The following GNAL variants were observed in gnomAD, a reference collection of about 807,000 sequenced individuals.
GNAL encodes the protein G protein subunit alpha L.
A neutral mutation model predicts 55.1 loss-of-function variants in GNAL; 18 were observed. The observed-to-expected ratio is 0.33, with a 90% CI of 0.23 to 0.48. GNAL has a LOEUF of 0.48. Ranked by LOEUF, GNAL falls within the 20% of genes least tolerant of loss-of-function variation. The pLI is 0.99. For missense variants in GNAL, 412 were observed against 614.1 expected, an observed-to-expected ratio of 0.67 and a Z score of 3.48; for synonymous variants, 253 against 237.0, an observed-to-expected ratio of 1.07 and a Z score of -0.62.
intron 4 of GNAL, among the ~76,000 whole-genome samples, chr18:11,823,021 G>A (rs1034798474): frequency 2.6e-5 from 4 of 151,968 alleles, no homozygotes; most frequent in African/African-American, 4.8e-5. Context: ...TATATCATAC[G>A]TCTGTCGTGT....
intron 4 of GNAL, among the ~76,000 whole-genome samples, chr18:11,769,003 AATAT>A (rs531828796): frequency 9.9e-6 from 1 of 101,454 alleles, no homozygotes; most frequent in East Asian, 2.1e-4. Flanking sequence ...TATAATATAG[AATAT>A]ATATATTCTA....
At chr18:11,773,186 C>G (rs1163464047) in intron 4 of GNAL, among the ~76,000 whole-genome samples, 1 of 152,240 alleles carries the variant, frequency 6.6e-6, no homozygotes, top group Non-Finnish European at 1.5e-5. Context: ...TGTCCCCTTA[C>G]CAGGGCTTGC....
intron 4 of GNAL, among the ~76,000 whole-genome samples, chr18:11,797,014 G>A (rs1173068928): frequency 1.3e-5 from 2 of 152,276 alleles, no homozygotes; most frequent in East Asian, 3.9e-4. Context: ...GAGTGCAGTG[G>A]TGTGATCTTG....
intron 4 of GNAL, among the ~76,000 whole-genome samples, chr18:11,768,074 G>C (rs1458810970): frequency 6.6e-6 from 1 of 151,708 alleles, no homozygotes; most frequent in Non-Finnish European, 1.5e-5. Context: ...CCTGACCTTT[G>C]ATTCTTAAAG....
intron 11 of GNAL, among the ~76,000 whole-genome samples, chr18:11,880,539 C>T (rs945790278): frequency 3.3e-5 from 5 of 152,218 alleles, no homozygotes; most frequent in African/African-American, 9.6e-5. Flanking sequence ...TGCACCACTG[C>T]ACTCCAGCCT....
chr18:11,873,356 T>C lies in GNAL; in HGVS notation c.1162+958T>C, dbSNP rs955714042. Reference sequence around the variant, plus strand: ...GAGAGGCATTATATAAGTATATTCATAGTAAAATCCTGACCCTTGTGGGGC... The same window carrying C: ...GAGAGGCATTATATAAGTATATTCACAGTAAAATCCTGACCCTTGTGGGGC... On this transcript the variant is annotated intron_variant, in intron 10 of 11. Transcript: ENST00000334049. Among the ~76,000 whole-genome samples, 6 of 152,362 alleles carry C rather than the reference T, an allele frequency of 3.9e-5. No homozygotes were observed. The East Asian group carries it at 5.8e-4, about 15-fold the overall frequency.
At chr18:11,846,824 G>A (rs1335901036) in intron 5 of GNAL, among the ~76,000 whole-genome samples, 1 of 151,772 alleles carries the variant, frequency 6.6e-6, no homozygotes, top group African/African-American at 2.4e-5. Flanking sequence ...CTCCTGGGCC[G>A]CCTCATCCTC....
intron 1 of GNAL, among the ~76,000 whole-genome samples, chr18:11,748,050 G>A (rs1439531935): frequency 1.3e-5 from 2 of 152,210 alleles, no homozygotes; most frequent in Admixed American, 1.3e-4. Context: ...TGGTACACCT[G>A]ATGCTGATCC....
rs2032945351 is a variant in GNAL, at chr18:11,753,846, T to C, written c.525T>C (p.Ser175=). ...TTTAGACAATTGTTTCAGCAATGAG[T>C]ACTATAATACCTCCAGTTCCGCTGG... ...DAIVTIVSAM[S]TIIPPVPLAN... Residue 175 remains serine, a synonymous_variant, in exon 4 of 12, where the codon AGT becomes AGC. Coordinates refer to ENST00000334049, the MANE Select transcript of GNAL (RefSeq NM_182978.4). 1.2e-6 allele frequency: 2 copies of C among 1,608,652 alleles called. No homozygotes were observed. The highest frequency in any genetic ancestry group is 1.7e-6 in the Non-Finnish European group (2 of 1,175,090).
At chr18:11,796,957 A>G (rs952031035) in intron 4 of GNAL, among the ~76,000 whole-genome samples, 9 of 152,062 alleles carry the variant, frequency 5.9e-5, no homozygotes, top group African/African-American at 1.9e-4. Flanking sequence ...ATAAGTCCCT[A>G]TCAGAACTTA....
chr18:11,721,522 G>A (rs1337048584), intron 1 of GNAL, among the ~76,000 whole-genome samples: 9 of 151,998 alleles, frequency 5.9e-5, no homozygotes. Context: ...TTGGGAGGTC[G>A]AGGTGGGCAG....
In GNAL at chr18:11,884,624, T is replaced by C; in HGVS notation, c.*3489T>C. ...AGGGTGTAGTCTGTGGGCGTGATGC[T>C]ACCCTGGAAAGGAGAAGGGAAAGTT... On this transcript the variant is annotated 3_prime_UTR_variant, in exon 12 of 12. Transcript: ENST00000334049. 6.2e-7 allele frequency: 1 copy of C among 1,613,126 alleles called. No homozygotes were observed.
chr18:11,876,504 T>G, intron 10 of GNAL, 117 bp from the exon 11 acceptor site: 1 of 722,704 alleles, frequency 1.4e-6, no homozygotes, highest in Non-Finnish European at 2.5e-6. Flanking sequence ...TTGCTGTACA[T>G]GTATTTTAAT....
At chr18:11,786,615 ATTT>A (rs61303052) in intron 4 of GNAL, among the ~76,000 whole-genome samples, 35 of 132,960 alleles carry the variant, frequency 2.6e-4, no homozygotes, top group Non-Finnish European at 3.7e-4. Flanking sequence ...CACCTGGCTA[ATTT>A]TTTTTTTTTT....
intron 11 of GNAL, among the ~76,000 whole-genome samples, chr18:11,879,848 C>G (rs938834844): frequency 6.6e-6 from 1 of 152,200 alleles, no homozygotes; most frequent in Non-Finnish European, 1.5e-5. Context: ...AGCAAACGTT[C>G]CCCCGATAAC....
rs147535854 is a variant in GNAL at position 11,808,737 on chromosome 18, G to A, written c.625-16181G>A. On this transcript the variant is annotated intron_variant, in intron 4 of 11. Coordinates refer to ENST00000334049, the MANE Select transcript of GNAL (RefSeq NM_182978.4). Reference sequence around the variant, plus strand: ...AGCATTACTCAATAATAGCCAAAAAGTAGAAACAGCCTAAATGTTCATCAA... The same window carrying A: ...AGCATTACTCAATAATAGCCAAAAAATAGAAACAGCCTAAATGTTCATCAA... Among the ~76,000 whole-genome samples, 691 of 152,318 alleles carry A rather than the reference G, an allele frequency of 4.5e-3. 7 individuals carry two copies. The highest frequency in any genetic ancestry group is 0.016 in the African/African-American group (645 of 41,570).
At chr18:11,713,503 T>A (rs1367900393) in intron 1 of GNAL, among the ~76,000 whole-genome samples, 1 of 152,202 alleles carries the variant, frequency 6.6e-6, no homozygotes, top group Non-Finnish European at 1.5e-5. Context: ...AGGTTATTGT[T>A]TGGCTTCCTG....
intron 1 of GNAL, among the ~76,000 whole-genome samples, chr18:11,706,428 G>A (rs935979111): frequency 2.6e-5 from 4 of 152,120 alleles, no homozygotes; most frequent in African/African-American, 4.8e-5. Flanking sequence ...GTCTTGCCTC[G>A]ATATCTGTGG....
intron 1 of GNAL, among the ~76,000 whole-genome samples, chr18:11,749,226 C>T (rs1282770668): frequency 6.6e-6 from 1 of 151,270 alleles, no homozygotes; most frequent in East Asian, 2.0e-4. Context: ...TATGTCTTTA[C>T]ACACTCATAA....
Sources: allele counts gnomAD v4.1 joint callset (sites outside exome capture counted in the v4.1 genomes callset), GRCh38; gene constraint gnomAD v4.1.1; transcripts MANE v1.5; gene names NCBI Gene and HGNC (gene_info 2026-07-23, HGNC 2026-07-21).